The following WDR26 variants were observed in gnomAD, a reference collection of about 807,000 sequenced individuals.
The protein encoded by WDR26 is WD repeat-containing protein 26.
Under a neutral mutation model 84.1 loss-of-function variants are expected in WDR26, and 5 were observed. That is an observed-to-expected ratio of 0.06 (90% CI 0.03 to 0.13). WDR26 has a LOEUF of 0.13. WDR26 is among the 10% of genes least tolerant of loss of function. The pLI, the probability that WDR26 is intolerant of heterozygous loss-of-function variation, is 1.00. For synonymous variants in WDR26, 415 were observed against 389.6 expected, an observed-to-expected ratio of 1.07 and a Z score of -0.77; for missense variants, 642 against 974.9, an observed-to-expected ratio of 0.66 and a Z score of 4.55.
intron 12 of WDR26, among the ~76,000 whole-genome samples, chr1:224,396,492 G>A (rs148992176): frequency 1.2e-4 from 19 of 152,162 alleles, no homozygotes; most frequent in Admixed American, 1.1e-3. Context: ...ATTATCTCCC[G>A]CGATATATTA....
intron 3 of WDR26, among the ~76,000 whole-genome samples, chr1:224,425,857 T>A (rs1471687839): frequency 5.3e-5 from 8 of 152,130 alleles, no homozygotes; most frequent in Non-Finnish European, 1.2e-4. Context: ...CTTCGTAAGA[T>A]GCTTTTCTTC....
At chr1:224,415,909 T>C (rs1384732457) in intron 6 of WDR26, among the ~76,000 whole-genome samples, 6 of 152,232 alleles carry the variant, frequency 3.9e-5, no homozygotes, top group Admixed American at 3.3e-4. Context: ...AGATATAGGC[T>C]GGAAAATATC....
At chr1:224,398,864 TTTA>T in intron 10 of WDR26, 22 bp downstream of exon 10, 1 of 1,611,558 alleles carries the variant, frequency 6.2e-7, no homozygotes, top group Non-Finnish European at 8.5e-7. Flanking sequence ...GTAATTGTTG[TTTA>T]ATGGAAACAA....
intron 6 of WDR26, 123 bp from the exon 7 acceptor site, chr1:224,411,688 G>T: frequency 3.8e-6 from 4 of 1,055,696 alleles, no homozygotes; most frequent in Non-Finnish European, 5.2e-6. Flanking sequence ...AATAAGAAGT[G>T]AATGCATTTG....
intron 8 of WDR26, among the ~76,000 whole-genome samples, chr1:224,401,690 G>GAAAAAAAAA (rs67543360): frequency 1.2e-5 from 1 of 84,054 alleles, no homozygotes; most frequent in South Asian, 4.3e-4. Flanking sequence ...AAAAAAAAAA[G>GAAAAAAAAA]AAAAAAAAAA....
chr1:224,390,709 G>A (rs2102883493), intron 13 of WDR26, among the ~76,000 whole-genome samples: 1 of 152,234 alleles, frequency 6.6e-6, no homozygotes, highest in South Asian at 2.1e-4. Context: ...GGCGGAGGTT[G>A]CAGTGAGCCG....
chr1:224,407,805 G>A (rs1007746464), intron 7 of WDR26, among the ~76,000 whole-genome samples: 3 of 151,690 alleles, frequency 2.0e-5, no homozygotes, highest in Non-Finnish European at 2.9e-5. Flanking sequence ...CACCGCACCC[G>A]GCCAAAAAGA....
chr1:224,421,382 C>T (rs1432500727), intron 4 of WDR26, among the ~76,000 whole-genome samples: 3 of 151,938 alleles, frequency 2.0e-5, no homozygotes, highest in African/African-American at 4.8e-5. Flanking sequence ...GTCAGGAGTC[C>T]GAGACTAGCC....
rs1674564548 is a variant in WDR26, at chr1:224,434,756, T to TGCTCC, written c.-356_-352dup. On this transcript the variant is annotated 5_prime_UTR_variant, in exon 1 of 14. Coordinates refer to ENST00000414423, the MANE Select transcript of WDR26 (RefSeq NM_001379403.1). ...CTCTGTCCTCGGATCCGCTCCGCTC[T>TGCTCC]GCTCCCTGGTGTGTTGATTCTTCCC... 33 of 986,526 alleles carry TGCTCC rather than the reference T, an allele frequency of 3.3e-5. No individual in the cohort carries two copies. The highest frequency in any genetic ancestry group is 5.2e-4 in the Middle Eastern group (1 of 1,914). 61.1% of individuals were successfully genotyped at this position (986,526 alleles called of 1,614,324 possible).
At chr1:224,426,215 G>C (rs185212038) in intron 3 of WDR26, among the ~76,000 whole-genome samples, 2 of 152,256 alleles carry the variant, frequency 1.3e-5, no homozygotes, top group Non-Finnish European at 2.9e-5. Context: ...ATGCTGTGGA[G>C]AAATTACCAT....
At position 224,404,390 on chromosome 1, in the gene WDR26, G is replaced by A. The variant is rs1673497584; in HGVS notation, c.1599+40C>T. 1.9e-6 allele frequency: 3 copies of A among 1,605,548 alleles called. No homozygotes were observed. The Admixed American group carries it at 5.1e-5, about 27-fold the overall frequency. On this transcript the variant is annotated intron_variant, in intron 8 of 13. Transcript: ENST00000414423. ...TAATGAATATGTACATTATGACTAT[G>A]CTGTACTTAAAAGCTCAACCAAAGA... is the stretch of plus-strand genomic sequence containing the variant.
In WDR26 at chr1:224,418,435, T is replaced by C. The variant is rs750015143; in HGVS notation, c.1163-19A>G. ...AAATAGGCTTTAATAGAAGATATTT[T>C]AAAAAAGAGAAATAATAATAAACTG... On this transcript the variant is annotated intron_variant, in intron 5 of 13. Coordinates refer to ENST00000414423, the MANE Select transcript of WDR26 (RefSeq NM_001379403.1). The C allele has an allele frequency of 2.5e-6, 4 of 1,573,848 alleles. No homozygotes were observed. The highest frequency in any genetic ancestry group is 1.2e-5 in the South Asian group (1 of 84,390).
intron 8 of WDR26, among the ~76,000 whole-genome samples, chr1:224,401,460 T>C (rs1040039779): frequency 7.2e-5 from 11 of 152,108 alleles, no homozygotes; most frequent in African/African-American, 2.7e-4. Flanking sequence ...TTATAAATTT[T>C]ATTCTACAAC....
Position 224,398,189 on chromosome 1 carries a change from A to G in WDR26, c.1982T>C (p.Val661Ala). ...TTGTGTAACACCTTGATACTTTCTT[A>G]CTAAAACTCTGTCTTGCAAGTCCCA... The change falls in exon 12 of 14, where the codon GTA (valine) becomes GCA (alanine). Residue 661 changes from valine to alanine, a missense_variant. Val to Ala is a moderately conservative substitution (Grantham distance 64). Transcript: ENST00000414423. 1 of 1,613,624 alleles carries G rather than the reference A, an allele frequency of 6.2e-7. No individual in the cohort carries two copies. Among genetic ancestry groups the G allele is most frequent in the Non-Finnish European group, 8.5e-7 (1 of 1,179,868 alleles).
At chr1:224,412,463 A>AT (rs1673765649) in intron 6 of WDR26, among the ~76,000 whole-genome samples, 1 of 152,244 alleles carries the variant, frequency 6.6e-6, no homozygotes, top group African/African-American at 2.4e-5. Flanking sequence ...CCCAAGGATG[A>AT]AATAAGAGGA....
At position 224,418,268 on chromosome 1, in the gene WDR26, A is replaced by G; in HGVS notation, c.1311T>C (p.Val437=). The G allele has an allele frequency of 6.2e-7, 1 of 1,603,818 alleles. No homozygotes were observed. The highest frequency in any genetic ancestry group is 8.5e-7 in the Non-Finnish European group (1 of 1,176,566). ...GGAAGTTTTCCTCTTACCTACTACA[A>G]ACATGGTCTATAAGCAGAGACACAG... Residue 437 remains valine, a synonymous_variant, in exon 6 of 14, where the codon GTT becomes GTC. Coordinates refer to ENST00000414423, the MANE Select transcript of WDR26 (RefSeq NM_001379403.1).
chr1:224,428,880 T>C (rs186944207), intron 3 of WDR26, among the ~76,000 whole-genome samples: 2 of 147,092 alleles, frequency 1.4e-5, no homozygotes, highest in East Asian at 4.0e-4. Flanking sequence ...CACTCCAGTC[T>C]GGGCAATAAG....
intron 8 of WDR26, among the ~76,000 whole-genome samples, chr1:224,403,954 C>T (rs186527686): frequency 1.5e-4 from 23 of 152,086 alleles, no homozygotes; most frequent in African/African-American, 3.4e-4. Context: ...AACAAACAAA[C>T]GAACAAACCA....
At position 224,398,987 on chromosome 1, in the gene WDR26, T is replaced by C. The variant is rs1439989393; in HGVS notation, c.1767A>G (p.Gln589=). 7.5e-6 allele frequency: 12 copies of C among 1,606,948 alleles called. No homozygotes were observed. Among genetic ancestry groups the C allele is most frequent in the East Asian group, 2.2e-5 (1 of 44,552 alleles). ...TTCCATCACTCAAGCACCAAAGGCA[T>C]TGCACTCTTACCCCTTCCCAGGAGT... The change falls in exon 10 of 14, where the codon CAA becomes CAG. Residue 589 remains glutamine (Q), a synonymous_variant. Coordinates refer to ENST00000414423, the MANE Select transcript of WDR26 (RefSeq NM_001379403.1).
Sources: gnomAD v4.1 joint callset for allele counts (sites outside exome capture counted in the v4.1 genomes callset) on GRCh38, gnomAD v4.1.1 for gene constraint, MANE v1.5 for transcripts, NCBI Gene and HGNC (gene_info 2026-07-23, HGNC 2026-07-21) for gene names.